ZNF136: variants seen among roughly 807,000 people sequenced by gnomAD.
ZNF136 encodes zinc finger protein 136.
ZNF136 carries 8 observed loss-of-function variants against 11.4 expected under a neutral mutation model. The observed-to-expected ratio is 0.70, with a 90% CI of 0.41 to 1.27. The LOEUF is 1.27. ZNF136 is among the 50% of genes most tolerant of loss of function. The pLI is 0.01. For synonymous variants in ZNF136, 190 were observed against 207.1 expected (o/e 0.92, Z 0.71); for missense variants, 590 against 656.5 (o/e 0.90, Z 1.11).
chr19:12,163,159 C>G lies in ZNF136; in HGVS notation c.-45C>G. The stretch of plus-strand genomic sequence containing the variant: ...CTGTGGCGCGGTTTCCTGTACCTGC[C>G]TTGGGATCCGGAGGGAGGAAGCTGG... On this transcript the variant is annotated 5_prime_UTR_variant, in exon 1 of 4. Coordinates refer to ENST00000343979, the MANE Select transcript of ZNF136 (RefSeq NM_003437.5). 2.1e-6 allele frequency: 3 copies of G among 1,399,070 alleles called. No homozygotes were observed. Among genetic ancestry groups the G allele is most frequent in the Non-Finnish European group, 2.8e-6 (3 of 1,069,506 alleles). The allele number at this position is 1,399,070 out of a possible 1,614,324, so 86.7% of individuals were successfully genotyped here.
intron 1 of ZNF136, 32 bp from the exon 2 acceptor site, chr19:12,185,753 A>G: frequency 6.2e-7 from 1 of 1,606,060 alleles, no homozygotes; most frequent in African/African-American, 1.3e-5. Flanking sequence ...TGTCTCACCC[A>G]TTCTCCTCTC....
chr19:12,187,144 G>C lies in ZNF136; in HGVS notation c.766G>C (p.Val256Leu). Residue 256 changes from valine to leucine, a missense_variant, in exon 4 of 4, where the codon GTA (valine) becomes CTA (leucine). Val to Leu is a conservative substitution (Grantham distance 32). Coordinates refer to ENST00000343979, the MANE Select transcript of ZNF136 (RefSeq NM_003437.5). Reference sequence around the variant, plus strand: ...TGGAGATGGACCTTATAAATGTAAGGTATGTGGGAAACCCTTTCATTCTCT... The same window carrying C: ...TGGAGATGGACCTTATAAATGTAAGCTATGTGGGAAACCCTTTCATTCTCT... ...HTGDGPYKCK[V>L]CGKPFHSLSS... is the part of the protein sequence containing the mutation. The C allele has an allele frequency of 6.2e-7, 1 of 1,614,108 alleles. No individual in the cohort carries two copies. Among genetic ancestry groups the C allele is most frequent in the South Asian group, 1.1e-5 (1 of 91,086 alleles).
rs1318394790 is a variant in ZNF136, at chr19:12,188,791, CAGAA to C, written c.*792_*795del. ...TGCAAAACATAGCAAGACCTCATCTCAGAAAAAAAAAAAAAGTCATTTGAAAACT... is the reference window on the plus strand; with the variant it reads ...TGCAAAACATAGCAAGACCTCATCTCAAAAAAAAAAAGTCATTTGAAAACT... On this transcript the variant is annotated 3_prime_UTR_variant, in exon 4 of 4. Transcript: ENST00000343979. The C allele has an allele frequency of 6.9e-6, 1 of 144,892 alleles. No homozygotes were observed. Among genetic ancestry groups the C allele is most frequent in the African/African-American group, 2.6e-5 (1 of 38,628 alleles). The allele number at this position is 144,892 out of a possible 1,614,324, so 9.0% of individuals were successfully genotyped here.
At position 12,186,735 on chromosome 19, in the gene ZNF136, A is replaced by C. The variant is rs1178752502; in HGVS notation, c.357A>C (p.Arg119Ser). ...EVSMGQSSLN[R>S]HIKDHSGHEP... Reference sequence around the variant, plus strand: ...GCATGGGTCAGTCATCCCTTAATAGACACATCAAAGATCACAGTGGACATG... The same window carrying C: ...GCATGGGTCAGTCATCCCTTAATAGCCACATCAAAGATCACAGTGGACATG... The change falls in exon 4 of 4, where the codon AGA becomes AGC. Residue 119 changes from arginine (R) to serine (S), a missense_variant. Transcript: ENST00000343979. 5.0e-6 allele frequency: 8 copies of C among 1,614,150 alleles called. No individual in the cohort carries two copies. The highest frequency in any genetic ancestry group is 6.8e-6 in the Non-Finnish European group (8 of 1,180,016).
At chr19:12,177,255 A>G (rs892555536) in intron 1 of ZNF136, among the ~76,000 whole-genome samples, 1 of 152,206 alleles carries the variant, frequency 6.6e-6, no homozygotes, top group African/African-American at 2.4e-5. Context: ...AATGTTTTTG[A>G]TACTGATTCT....
At chr19:12,183,548 A>AATCAATCTATCT (rs893503730) in intron 1 of ZNF136, among the ~76,000 whole-genome samples, 1 of 145,418 alleles carries the variant, frequency 6.9e-6, no homozygotes, top group African/African-American at 2.6e-5. Flanking sequence ...CACATAACTG[A>AATCAATCTATCT]ATCTATCTAT....
chr19:12,177,835 C>T (rs1914839386), intron 1 of ZNF136, among the ~76,000 whole-genome samples: 1 of 152,170 alleles, frequency 6.6e-6, no homozygotes, highest in Non-Finnish European at 1.5e-5. Context: ...AGGCCAGGCC[C>T]AGTGGCTCAT....
intron 1 of ZNF136, 92 bp from the exon 2 acceptor site, chr19:12,185,693 C>G: frequency 6.6e-7 from 1 of 1,508,980 alleles, no homozygotes; most frequent in African/African-American, 1.4e-5. Flanking sequence ...TTGCAGACCC[C>G]TGAAACATGT....
intron 1 of ZNF136, among the ~76,000 whole-genome samples, chr19:12,181,215 GT>G (rs1347069919): frequency 2.0e-5 from 3 of 152,224 alleles, no homozygotes; most frequent in Admixed American, 2.0e-4. Flanking sequence ...AATGGCAAGT[GT>G]GCAGGGGCCT....
intron 1 of ZNF136, among the ~76,000 whole-genome samples, chr19:12,184,021 C>G (rs1915018501): frequency 6.6e-6 from 1 of 152,114 alleles, no homozygotes; most frequent in Non-Finnish European, 1.5e-5. Context: ...AATCCCAGCA[C>G]TTCGGGAGGC....
At chr19:12,168,715 G>T (rs1914556179) in intron 1 of ZNF136, among the ~76,000 whole-genome samples, 1 of 151,204 alleles carries the variant, frequency 6.6e-6, no homozygotes, top group South Asian at 2.1e-4. Flanking sequence ...CACTCTTGTT[G>T]CCCAGGCTGG....
chr19:12,166,392 G>A (rs1358656005), intron 1 of ZNF136, among the ~76,000 whole-genome samples: 1 of 152,080 alleles, frequency 6.6e-6, no homozygotes, highest in Non-Finnish European at 1.5e-5. Flanking sequence ...AATATTATCA[G>A]GGAAAAGAAA....
chr19:12,184,715 G>A (rs1915039614), intron 1 of ZNF136: 1 of 152,154 alleles, frequency 6.6e-6, no homozygotes, highest in South Asian at 2.1e-4. Flanking sequence ...GAGAACACAT[G>A]CGAAATGCTT....
In ZNF136 at chr19:12,187,823, G is replaced by A. The variant is rs1444025395; in HGVS notation, c.1445G>A (p.Gly482Asp). 3.7e-6 allele frequency: 6 copies of A among 1,605,848 alleles called. No homozygotes were observed. Among genetic ancestry groups the A allele is most frequent in the Non-Finnish European group, 5.1e-6 (6 of 1,177,204 alleles). ...AAACCCTTTGAATGTAAGCGATGTG[G>A]TAAAGCCTTTAGATCTTCTAGTTCC... is the stretch of plus-strand genomic sequence containing the variant. ...GEKPFECKRC[G>D]KAFRSSSSFR... is the part of the protein sequence containing the mutation. Residue 482 changes from glycine (G) to aspartate (D), a missense_variant, in exon 4 of 4, where the codon GGT becomes GAT. Gly to Asp is a moderately conservative substitution (Grantham distance 94, BLOSUM62 -1). Transcript: ENST00000343979.
chr19:12,170,829 C>T (rs1336269676), intron 1 of ZNF136, among the ~76,000 whole-genome samples: 4 of 151,656 alleles, frequency 2.6e-5, no homozygotes, highest in African/African-American at 9.7e-5. Context: ...GCCACCACAC[C>T]CAGCTAATTT....
chr19:12,179,785 A>T (rs1340146385), intron 1 of ZNF136, among the ~76,000 whole-genome samples: 1 of 152,200 alleles, frequency 6.6e-6, no homozygotes, highest in Non-Finnish European at 1.5e-5. Flanking sequence ...TTTATTACCT[A>T]AACACTGAAA....
Position 12,189,265 on chromosome 19 carries a change from A to G in ZNF136, c.*1264A>G, listed in dbSNP as rs1032226791. 2.6e-5 allele frequency: 4 copies of G among 152,244 alleles called. No individual in the cohort carries two copies. Among genetic ancestry groups the G allele is most frequent in the Non-Finnish European group, 5.9e-5 (4 of 68,046 alleles). 9.4% of individuals were successfully genotyped at this position (152,244 alleles called of 1,614,324 possible). ...TATGAACCTACTTGCTTCATTTAGC[A>G]GGTTCTTGATTCCCTTTCCACATTA... On this transcript the variant is annotated 3_prime_UTR_variant, in exon 4 of 4. Transcript: ENST00000343979.
intron 1 of ZNF136, 85 bp from the exon 2 acceptor site, chr19:12,185,700 A>C (rs1047515066): frequency 2.0e-6 from 3 of 1,525,656 alleles, no homozygotes; most frequent in Non-Finnish European, 2.6e-6. Flanking sequence ...CCCCTGAAAC[A>C]TGTGAACTTC....
In ZNF136 at chr19:12,186,830, C is replaced by G. The variant is rs139421238; in HGVS notation, c.452C>G (p.Ser151Cys). ...TRNQCWKPFS[S>C]HHSFRTHEII... ...AACCAGTGTTGGAAACCCTTCAGTTCTCACCACTCCTTTCGAACACATGAG... is the reference window on the plus strand; with the variant it reads ...AACCAGTGTTGGAAACCCTTCAGTTGTCACCACTCCTTTCGAACACATGAG... The change falls in exon 4 of 4, where the codon TCT becomes TGT. Residue 151 changes from serine to cysteine, a missense_variant. Transcript: ENST00000343979. 1 of 1,614,114 alleles carries G rather than the reference C, an allele frequency of 6.2e-7. No homozygotes were observed. The highest frequency in any genetic ancestry group is 1.3e-5 in the African/African-American group (1 of 75,052).
Sources: allele counts gnomAD v4.1 joint callset (sites outside exome capture counted in the v4.1 genomes callset), GRCh38; gene constraint gnomAD v4.1.1; transcripts MANE v1.5; gene names NCBI Gene and HGNC (gene_info 2026-07-23, HGNC 2026-07-21).